The following MRTFA variants were observed in gnomAD, a reference collection of about 807,000 sequenced individuals.
The protein encoded by MRTFA is myocardin-related transcription factor A.
A neutral mutation model predicts 83.5 loss-of-function variants in MRTFA; 20 were observed. The observed-to-expected ratio is 0.24, with a 90% CI of 0.17 to 0.35. The LOEUF is 0.35. MRTFA is among the 10% of genes least tolerant of loss of function. MRTFA has a pLI of 1.00. For synonymous variants in MRTFA, 659 were observed against 541.2 expected (o/e 1.22, Z -3.02); for missense variants, 1,200 against 1,224.7 (o/e 0.98, Z 0.30).
At chr22:40,458,452 G>C (rs28419341) in intron 4 of MRTFA, among the ~76,000 whole-genome samples, 1 of 151,920 alleles carries the variant, frequency 6.6e-6, no homozygotes, top group South Asian at 2.1e-4. Context: ...GGAAAGGTCA[G>C]ACCCCAACAC....
intron 3 of MRTFA, among the ~76,000 whole-genome samples, chr22:40,513,832 C>T (rs2147246090): frequency 6.6e-6 from 1 of 152,086 alleles, no homozygotes; most frequent in Non-Finnish European, 1.5e-5. Context: ...CGTGATGGCT[C>T]ACATTTGTAA....
intron 3 of MRTFA, among the ~76,000 whole-genome samples, chr22:40,538,360 T>C (rs1284344790): frequency 2.0e-5 from 3 of 147,268 alleles, no homozygotes; most frequent in Non-Finnish European, 4.5e-5. Context: ...AAACAGATGC[T>C]TGAAGGCAGC....
intron 1 of MRTFA, among the ~76,000 whole-genome samples, chr22:40,619,214 T>C (rs1265070122): frequency 6.6e-6 from 1 of 152,020 alleles, no homozygotes. Flanking sequence ...CCTGATTCAA[T>C]CCACTGAAAG....
chr22:40,525,676 T>G (rs6001954), intron 3 of MRTFA, among the ~76,000 whole-genome samples: 15,366 of 152,196 alleles, frequency 0.1, 941 homozygotes, highest in East Asian at 0.25. Flanking sequence ...AAAACAATGC[T>G]CTATACTGTA....
chr22:40,471,243 A>AC (rs2053907304), intron 3 of MRTFA, among the ~76,000 whole-genome samples: 2 of 148,674 alleles, frequency 1.3e-5, no homozygotes, highest in African/African-American at 4.9e-5. Flanking sequence ...AAAAAAAAAA[A>AC]AAAACAAGAA....
At chr22:40,591,339 CCTT>C (rs2056118494) in intron 2 of MRTFA, among the ~76,000 whole-genome samples, 1 of 151,252 alleles carries the variant, frequency 6.6e-6, no homozygotes, top group Non-Finnish European at 1.5e-5. Flanking sequence ...AAGCTAAATC[CCTT>C]CTTTTCAAGG....
At chr22:40,542,928 A>G (rs1020751642) in intron 3 of MRTFA, among the ~76,000 whole-genome samples, 6 of 152,184 alleles carry the variant, frequency 3.9e-5, no homozygotes, top group African/African-American at 9.7e-5. Context: ...ATCCATTAGA[A>G]TTTGGGCTTT....
chr22:40,427,700 G>A (rs1432194302), intron 7 of MRTFA, among the ~76,000 whole-genome samples: 1 of 152,194 alleles, frequency 6.6e-6, no homozygotes, highest in Non-Finnish European at 1.5e-5. Context: ...AAGGTCAGAA[G>A]TATCTTCAGT....
At chr22:40,548,918 A>G (rs1257082938) in intron 3 of MRTFA, among the ~76,000 whole-genome samples, 1 of 152,154 alleles carries the variant, frequency 6.6e-6, no homozygotes, top group Non-Finnish European at 1.5e-5. Flanking sequence ...ATATCCAGGA[A>G]CAAAACTAAT....
chr22:40,525,688 T>A (rs2054957954), intron 3 of MRTFA, among the ~76,000 whole-genome samples: 1 of 152,178 alleles, frequency 6.6e-6, no homozygotes, highest in African/African-American at 2.4e-5. Context: ...TATACTGTAG[T>A]GCCTCTTCAG....
At chr22:40,423,791 C>A in intron 8 of MRTFA, 106 bp from the exon 9 acceptor site, 1 of 1,086,702 alleles carries the variant, frequency 9.2e-7, no homozygotes. Flanking sequence ...TGTCAGAGGG[C>A]AAATGGTGGG....
chr22:40,587,639 GT>G, intron 2 of MRTFA: 1 of 305,950 alleles, frequency 3.3e-6, no homozygotes. Context: ...ATAGCATATT[GT>G]TTTTTGGATT....
chr22:40,628,965 C>A (rs2056610938), intron 1 of MRTFA, among the ~76,000 whole-genome samples: 1 of 152,166 alleles, frequency 6.6e-6, no homozygotes, highest in Admixed American at 6.6e-5. Context: ...ATTATCTTCT[C>A]TCCTCATACA....
At chr22:40,613,778 C>T (rs559702360) in intron 1 of MRTFA, among the ~76,000 whole-genome samples, 8 of 152,128 alleles carry the variant, frequency 5.3e-5, no homozygotes, top group Non-Finnish European at 7.4e-5. Flanking sequence ...GGCGTAGTGG[C>T]GCACACCTAT....
At chr22:40,619,655 C>A (rs958671248) in intron 1 of MRTFA, among the ~76,000 whole-genome samples, 2 of 151,810 alleles carry the variant, frequency 1.3e-5, no homozygotes, top group African/African-American at 4.8e-5. Context: ...TTTGGGAGGC[C>A]GAGACGGGCG....
At chr22:40,544,807 C>CT (rs2055338271) in intron 3 of MRTFA, among the ~76,000 whole-genome samples, 1 of 152,080 alleles carries the variant, frequency 6.6e-6, no homozygotes, top group Non-Finnish European at 1.5e-5. Flanking sequence ...CATGGTGGCA[C>CT]ACTCCTGTAG....
intron 3 of MRTFA, among the ~76,000 whole-genome samples, chr22:40,530,534 T>A (rs1163649633): frequency 6.6e-6 from 1 of 152,266 alleles, no homozygotes; most frequent in East Asian, 1.9e-4. Flanking sequence ...TGACCTCAAA[T>A]GATCCACCTG....
intron 2 of MRTFA, among the ~76,000 whole-genome samples, chr22:40,558,200 AT>A (rs2055559015): frequency 7.0e-6 from 1 of 143,746 alleles, no homozygotes; most frequent in Admixed American, 7.1e-5. Context: ...ATCCTCCCCC[AT>A]CAGTCCCACA....
chr22:40,422,060 T>C (rs2052851407), intron 9 of MRTFA, among the ~76,000 whole-genome samples: 1 of 151,908 alleles, frequency 6.6e-6, no homozygotes, highest in African/African-American at 2.4e-5. Context: ...GGGGCCAGGA[T>C]TGCCCCAGAA....
Sources: allele counts gnomAD v4.1 joint callset (sites outside exome capture counted in the v4.1 genomes callset), GRCh38; gene constraint gnomAD v4.1.1; transcripts MANE v1.5; gene names NCBI Gene and HGNC (gene_info 2026-07-23, HGNC 2026-07-21).